The following SLC36A1 variants were observed in gnomAD, a reference collection of about 807,000 sequenced individuals.
SLC36A1 encodes proton-coupled amino acid transporter 1.
In SLC36A1, 30 loss-of-function variants were observed where a neutral mutation model predicts 47.5. That is an observed-to-expected ratio of 0.63 (90% CI 0.47 to 0.86). The LOEUF is 0.86. SLC36A1 is among the 40% of genes least tolerant of loss of function. The pLI is 0.00. For synonymous variants in SLC36A1, 255 were observed against 249.7 expected, an observed-to-expected ratio of 1.02 and a Z score of -0.20; for missense variants, 517 against 606.0, an observed-to-expected ratio of 0.85 and a Z score of 1.54.
the SLC36A1 span, among the ~76,000 whole-genome samples, chr5:151,426,339 A>G: frequency 2.6e-5 from 4 of 151,842 alleles, no homozygotes; most frequent in Non-Finnish European, 5.9e-5. Context: ...TTTATTGATC[A>G]CTATCTCTCC....
upstream of SLC36A1, among the ~76,000 whole-genome samples, chr5:151,445,386 A>T (rs975104046): frequency 1.6e-4 from 25 of 152,186 alleles, no homozygotes; most frequent in Non-Finnish European, 1.9e-4. Flanking sequence ...GTTTGCAAAT[A>T]TTTTATTGAG....
chr5:151,540,292 A>G, the SLC36A1 span, among the ~76,000 whole-genome samples: 4 of 152,096 alleles, frequency 2.6e-5, no homozygotes, highest in African/African-American at 9.7e-5. Context: ...GGGAGAAGCA[A>G]GAGAGGTGAG....
the SLC36A1 span, among the ~76,000 whole-genome samples, chr5:151,360,216 G>A: frequency 6.6e-6 from 1 of 152,138 alleles, no homozygotes; most frequent in Admixed American, 6.5e-5. Context: ...GAAAATCCAT[G>A]TATAGCTTTT....
upstream of SLC36A1, among the ~76,000 whole-genome samples, chr5:151,435,805 CAAG>C (rs1163737092): frequency 6.6e-5 from 10 of 151,254 alleles, no homozygotes; most frequent in African/African-American, 2.4e-4. Flanking sequence ...AATAAAATAA[CAAG>C]GTAAATATGA....
chr5:151,474,862 C>G (rs1196505954), intron 8 of SLC36A1, among the ~76,000 whole-genome samples: 1 of 152,256 alleles, frequency 6.6e-6, no homozygotes, highest in Non-Finnish European at 1.5e-5. Flanking sequence ...CTCCTCCCGG[C>G]ACGGCACTTC....
At chr5:151,424,513 CT>C in the SLC36A1 span, among the ~76,000 whole-genome samples, 4 of 152,102 alleles carry the variant, frequency 2.6e-5, no homozygotes, top group African/African-American at 9.7e-5. Flanking sequence ...ACCTTGTCTG[CT>C]TTTTTTGTTT....
intron 1 of SLC36A1, among the ~76,000 whole-genome samples, chr5:151,449,148 C>T (rs1401039645): frequency 6.6e-6 from 1 of 152,166 alleles, no homozygotes; most frequent in East Asian, 1.9e-4. Flanking sequence ...GTGTAGGAAG[C>T]AGTTTCCTCT....
chr5:151,508,816 A>C, the SLC36A1 span, among the ~76,000 whole-genome samples: 1 of 152,110 alleles, frequency 6.6e-6, no homozygotes, highest in South Asian at 2.1e-4. Context: ...TGAGTGGGTG[A>C]ACTACATCAC....
chr5:151,364,733 T>C, the SLC36A1 span, among the ~76,000 whole-genome samples: 3 of 152,164 alleles, frequency 2.0e-5, no homozygotes, highest in South Asian at 2.1e-4. Context: ...AACTGACCCA[T>C]GTAACTGGAA....
At chr5:151,543,293 C>A in the SLC36A1 span, 1 of 1,614,194 alleles carries the variant, frequency 6.2e-7, no homozygotes, top group East Asian at 2.2e-5. Flanking sequence ...CCTTCATCTG[C>A]ATCATAGGCC....
chr5:151,517,860 A>T, the SLC36A1 span: 1 of 1,440,908 alleles, frequency 6.9e-7, no homozygotes, highest in South Asian at 1.2e-5. Flanking sequence ...GGTGGCAGAC[A>T]GAATCATTGC....
the SLC36A1 span, among the ~76,000 whole-genome samples, chr5:151,532,749 G>C: frequency 6.6e-6 from 1 of 152,184 alleles, no homozygotes; most frequent in Non-Finnish European, 1.5e-5. Context: ...GTTGGCCATA[G>C]TGTAGGAAAA....
chr5:151,466,389 CA>C (rs1405955740), intron 5 of SLC36A1, among the ~76,000 whole-genome samples: 3 of 152,170 alleles, frequency 2.0e-5, no homozygotes, highest in African/African-American at 7.2e-5. Context: ...ACAGATTGAC[CA>C]TACTATGTAT....
At chr5:151,473,174 CTAGA>C (rs71575106) in intron 7 of SLC36A1, among the ~76,000 whole-genome samples, 27,174 of 131,866 alleles carry the variant, frequency 0.21, 2,514 homozygotes, top group Middle Eastern at 0.25. Context: ...GACTCTGTCT[CTAGA>C]TAGATAGATA....
the SLC36A1 span, among the ~76,000 whole-genome samples, chr5:151,348,846 G>T: frequency 6.6e-6 from 1 of 152,266 alleles, no homozygotes; most frequent in South Asian, 2.1e-4. Flanking sequence ...GGTTGTTGTT[G>T]TTTGTTTTTT....
chr5:151,468,072 A>G (rs548788805), intron 7 of SLC36A1, 147 bp downstream of exon 7: 7 of 635,932 alleles, frequency 1.1e-5, no homozygotes, highest in South Asian at 5.7e-5. Context: ...CCTGGCCGTC[A>G]TGGTGAAACC....
chr5:151,505,713 C>A, the SLC36A1 span: 1 of 1,613,788 alleles, frequency 6.2e-7, no homozygotes, highest in Non-Finnish European at 8.5e-7. Flanking sequence ...TCGGCTGAGG[C>A]GCATACCCAC....
At chr5:151,505,668 C>T in the SLC36A1 span, 1 of 1,613,978 alleles carries the variant, frequency 6.2e-7, no homozygotes, top group South Asian at 1.1e-5. Flanking sequence ...AAGAGGTGCC[C>T]CCTCCACCTC....
chr5:151,395,165 A>G, the SLC36A1 span, among the ~76,000 whole-genome samples: 3 of 152,204 alleles, frequency 2.0e-5, no homozygotes, highest in Non-Finnish European at 2.9e-5. Flanking sequence ...CTGCTGTGCT[A>G]GCAATGAGTG....
Sources: gnomAD v4.1 joint callset for allele counts (sites outside exome capture counted in the v4.1 genomes callset) on GRCh38, gnomAD v4.1.1 for gene constraint, MANE v1.5 for transcripts, NCBI Gene and HGNC (gene_info 2026-07-23, HGNC 2026-07-21) for gene names.